ITPR2: variants seen among roughly 807,000 people sequenced by gnomAD.
ITPR2 encodes the protein inositol 1,4,5-trisphosphate receptor type 2.
ITPR2 carries 207 observed loss-of-function variants against 317.1 expected under a neutral mutation model. The ratio of observed to expected loss-of-function variants is 0.65; its 90% confidence interval spans 0.58 to 0.73. The LOEUF (loss-of-function observed/expected upper bound fraction) is 0.73. ITPR2 is among the 30% of genes least tolerant of loss of function. ITPR2 has a pLI of 0.00. For synonymous variants in ITPR2, 1,156 were observed against 1,149.1 expected (o/e 1.01, Z -0.12); for missense variants, 2,613 against 3,284.0 (o/e 0.80, Z 4.99).
chr12:26,738,285 C>G (rs1334995345), intron 2 of ITPR2, among the ~76,000 whole-genome samples: 1 of 152,126 alleles, frequency 6.6e-6, no homozygotes, highest in Non-Finnish European at 1.5e-5. Context: ...AAGGACATAA[C>G]CCAGCTATTT....
intron 55 of ITPR2, among the ~76,000 whole-genome samples, chr12:26,355,843 G>A (rs1938622016): frequency 6.6e-6 from 1 of 152,116 alleles, no homozygotes. Context: ...GGCTTTTGGG[G>A]GTCAGCACAA....
intron 23 of ITPR2, 114 bp from the exon 24 acceptor site, chr12:26,624,470 C>A: frequency 9.9e-6 from 7 of 709,800 alleles, no homozygotes; most frequent in South Asian, 6.5e-5. Context: ...CTTTATTCGA[C>A]CAAAAGTCAA....
At chr12:26,568,852 T>A (rs1288343841) in intron 34 of ITPR2, among the ~76,000 whole-genome samples, 1 of 152,348 alleles carries the variant, frequency 6.6e-6, no homozygotes, top group East Asian at 1.9e-4. Flanking sequence ...CCAGTATACA[T>A]AAACAGGAAG....
At chr12:26,739,451 T>G (rs1949192550) in intron 2 of ITPR2, among the ~76,000 whole-genome samples, 1 of 152,174 alleles carries the variant, frequency 6.6e-6, no homozygotes, top group Non-Finnish European at 1.5e-5. Flanking sequence ...AATAGAATAC[T>G]ACTACCAAAA....
intron 37 of ITPR2, among the ~76,000 whole-genome samples, chr12:26,517,357 A>G (rs1490981225): frequency 3.9e-5 from 6 of 152,216 alleles, no homozygotes; most frequent in Admixed American, 6.5e-5. Context: ...ACAAGCAAAA[A>G]GCAAACAACC....
At chr12:26,491,038 T>C (rs777276522) in intron 39 of ITPR2, among the ~76,000 whole-genome samples, 6 of 152,030 alleles carry the variant, frequency 3.9e-5, no homozygotes, top group Non-Finnish European at 8.8e-5. Flanking sequence ...AGCTGATGCA[T>C]AAGAGGAAGG....
chr12:26,831,212 C>T lies in ITPR2; in HGVS notation c.92+1478G>A, dbSNP rs933547385. On this transcript the variant is annotated intron_variant, in intron 1 of 56. Coordinates refer to ENST00000381340, the MANE Select transcript of ITPR2 (RefSeq NM_002223.4). The surrounding 1 kb of genome is among the most constrained non-coding windows in gnomAD (Gnocchi z 4.9). ...TCATGATTCACAAACCCAGCAGAAG[C>T]GCTTGGCACTAACGTGTTTTTCCTA... Among the ~76,000 whole-genome samples the T allele has an allele frequency of 2.0e-5, 3 of 152,280 alleles. No homozygotes were observed. The South Asian group carries it at 6.2e-4, about 32-fold the overall frequency.
chr12:26,663,566 A>C, intron 15 of ITPR2, 119 bp downstream of exon 15: 1 of 997,812 alleles, frequency 1.0e-6, no homozygotes, highest in Non-Finnish European at 1.5e-6. Flanking sequence ...CCCAACATAA[A>C]ATATTTCATT....
intron 1 of ITPR2, among the ~76,000 whole-genome samples, chr12:26,790,585 TTA>T (rs1491310203): frequency 2.2e-5 from 1 of 45,216 alleles, no homozygotes; most frequent in African/African-American, 8.8e-5. Context: ...ACATATATGC[TTA>T]CACACACACA....
intron 45 of ITPR2, among the ~76,000 whole-genome samples, chr12:26,449,245 C>G (rs989667365): frequency 6.6e-6 from 1 of 152,104 alleles, no homozygotes; most frequent in Non-Finnish European, 1.5e-5. Context: ...GAATAACTGC[C>G]TTGTATATTT....
chr12:26,660,963 A>G (rs1279469696), intron 15 of ITPR2, among the ~76,000 whole-genome samples: 1 of 151,474 alleles, frequency 6.6e-6, no homozygotes, highest in Admixed American at 6.6e-5. Flanking sequence ...AATATATACT[A>G]CATAATAATA....
At position 26,704,506 on chromosome 12, in the gene ITPR2, T is replaced by C. The variant is rs148180218; in HGVS notation, c.951+6667A>G. The stretch of plus-strand genomic sequence containing the variant: ...GGCAGTGTTTCCTATGTCAAAGCAT[T>C]GTAGTAATCTTTTCCAGATAAACAT... On this transcript the variant is annotated intron_variant, in intron 9 of 56. Transcript: ENST00000381340. Among the ~76,000 whole-genome samples, 902 of 152,332 alleles carry C rather than the reference T, an allele frequency of 5.9e-3. 10 individuals are homozygous for C. Among genetic ancestry groups the C allele is most frequent in the African/African-American group, 0.021 (866 of 41,580 alleles).
chr12:26,649,819 AGAT>A (rs1323735179), intron 21 of ITPR2, among the ~76,000 whole-genome samples: 1 of 141,708 alleles, frequency 7.1e-6, no homozygotes, highest in Non-Finnish European at 1.5e-5. Flanking sequence ...ATAGATAGAT[AGAT>A]AGACAGACAG....
intron 55 of ITPR2, among the ~76,000 whole-genome samples, chr12:26,386,897 G>C (rs1939682342): frequency 6.6e-6 from 1 of 152,108 alleles, no homozygotes; most frequent in Non-Finnish European, 1.5e-5. Flanking sequence ...TAAGCAACTA[G>C]ATGTGGCAGG....
intron 2 of ITPR2, among the ~76,000 whole-genome samples, chr12:26,730,835 G>T (rs1270768057): frequency 6.6e-6 from 1 of 152,162 alleles, no homozygotes; most frequent in Non-Finnish European, 1.5e-5. Flanking sequence ...CCACTCAAAT[G>T]GTATGGAGCA....
chr12:26,564,225 T>A (rs56039810), intron 34 of ITPR2, among the ~76,000 whole-genome samples: 28,624 of 151,986 alleles, frequency 0.19, 3,025 homozygotes, highest in Non-Finnish European at 0.24. Flanking sequence ...ACAGAGAGAC[T>A]GTGAAATAAA....
intron 1 of ITPR2, among the ~76,000 whole-genome samples, chr12:26,826,982 T>A (rs969865117): frequency 6.6e-6 from 1 of 152,106 alleles, no homozygotes; most frequent in Admixed American, 6.5e-5. Context: ...AGACAAATCC[T>A]AGTATAGAAA....
chr12:26,710,858 G>A (rs1445108249), intron 9 of ITPR2, among the ~76,000 whole-genome samples: 1 of 152,170 alleles, frequency 6.6e-6, no homozygotes, highest in Non-Finnish European at 1.5e-5. Context: ...CGGACATTCT[G>A]AAAGGGTGAA....
chr12:26,766,805 T>A (rs1949727987), intron 2 of ITPR2, among the ~76,000 whole-genome samples: 1 of 152,100 alleles, frequency 6.6e-6, no homozygotes, highest in Non-Finnish European at 1.5e-5. Flanking sequence ...TAGGGTCCTT[T>A]CACTTTTAAA....
Sources: gnomAD v4.1 joint callset for allele counts (sites outside exome capture counted in the v4.1 genomes callset) on GRCh38, gnomAD v4.1.1 for gene constraint, Gnocchi (gnomAD v3.1) non-coding constraint, MANE v1.5 for transcripts, NCBI Gene and HGNC (gene_info 2026-07-23, HGNC 2026-07-21) for gene names.